TTC7B: variants seen among roughly 807,000 people sequenced by gnomAD.
TTC7B encodes the protein tetratricopeptide repeat protein 7B.
TTC7B carries 28 observed loss-of-function variants against 106.8 expected under a neutral mutation model. That is an observed-to-expected ratio of 0.26 (90% CI 0.19 to 0.36). TTC7B has a LOEUF of 0.36. Among genes scored for constraint, TTC7B ranks in the 10% least tolerant of loss-of-function variants. TTC7B has a pLI of 1.00. For missense variants in TTC7B, 862 were observed against 1,076.4 expected (o/e 0.80, Z 2.79); for synonymous variants, 405 against 430.6 (o/e 0.94, Z 0.74).
chr14:90,578,001 G>T lies in TTC7B; in HGVS notation c.2310+105C>A. Reference sequence around the variant, plus strand: ...GACAGCCTGGCAAGCTAACTGCATGGGGCCTTTGGAAGCAGAAGAGGGTGT... The same window carrying T: ...GACAGCCTGGCAAGCTAACTGCATGTGGCCTTTGGAAGCAGAAGAGGGTGT... On this transcript the variant is annotated intron_variant, in intron 19 of 19. Transcript: ENST00000328459. This position sits in a 1 kb window ranked among gnomAD's most constrained non-coding sequence, Gnocchi z 4.7. 7.3e-7 allele frequency: 1 copy of T among 1,361,856 alleles called. No individual in the cohort carries two copies. Among genetic ancestry groups the T allele is most frequent in the Non-Finnish European group, 1.0e-6 (1 of 994,812 alleles). 84.4% of individuals were successfully genotyped at this position (1,361,856 alleles called of 1,614,324 possible).
intron 3 of TTC7B, among the ~76,000 whole-genome samples, chr14:90,747,329 G>A (rs963946420): frequency 2.0e-5 from 3 of 152,184 alleles, no homozygotes; most frequent in Non-Finnish European, 4.4e-5. Flanking sequence ...CTTGAGCCTG[G>A]TCTCTCCTGA....
At chr14:90,706,688 C>T (rs1459617043) in intron 5 of TTC7B, among the ~76,000 whole-genome samples, 2 of 152,166 alleles carry the variant, frequency 1.3e-5, no homozygotes, top group Non-Finnish European at 2.9e-5. Context: ...ACCTAGGAAT[C>T]TTTGATAGCT....
intron 19 of TTC7B, among the ~76,000 whole-genome samples, chr14:90,573,357 C>A (rs1021953717): frequency 6.7e-6 from 1 of 149,078 alleles, no homozygotes; most frequent in Non-Finnish European, 1.5e-5. Context: ...GGTCCCTCTC[C>A]GGCTCACGGT....
chr14:90,617,385 T>G (rs539703185), intron 16 of TTC7B, among the ~76,000 whole-genome samples: 1 of 152,356 alleles, frequency 6.6e-6, no homozygotes, highest in Non-Finnish European at 1.5e-5. Context: ...GGTCTTAACA[T>G]TTTCCTGGTT....
intron 9 of TTC7B, among the ~76,000 whole-genome samples, chr14:90,660,254 G>T (rs1453002319): frequency 6.6e-6 from 1 of 151,350 alleles, no homozygotes; most frequent in Non-Finnish European, 1.5e-5. Context: ...GCTGGGTATG[G>T]TAGTGCACAC....
intron 5 of TTC7B, chr14:90,699,153 C>T (rs1378682992): frequency 2.0e-5 from 9 of 455,750 alleles, no homozygotes; most frequent in Admixed American, 1.6e-4. Context: ...ACAAGCTTAC[C>T]GCACCTGGTT....
rs1891354043 is a variant in TTC7B at position 90,578,454 on chromosome 14, C to G, written c.2108-146G>C. 2.5e-6 allele frequency: 2 copies of G among 804,078 alleles called. No individual in the cohort carries two copies. The highest frequency in any genetic ancestry group is 4.0e-6 in the Non-Finnish European group (2 of 495,572). The allele number at this position is 804,078 out of a possible 1,614,324, so 49.8% of individuals were successfully genotyped here. On this transcript the variant is annotated intron_variant, in intron 18 of 19. Transcript: ENST00000328459. This position sits in a 1 kb window ranked among gnomAD's most constrained non-coding sequence, Gnocchi z 4.7. ...TCCCTGCTCCAAGTGGAAACAGCTGCCGCTGACAGTCCCTCCTGCCCACTC... is the reference window on the plus strand; with the variant it reads ...TCCCTGCTCCAAGTGGAAACAGCTGGCGCTGACAGTCCCTCCTGCCCACTC...
chr14:90,631,582 AT>A (rs1884706710), intron 15 of TTC7B, among the ~76,000 whole-genome samples: 1 of 151,318 alleles, frequency 6.6e-6, no homozygotes, highest in Non-Finnish European at 1.5e-5. Context: ...CTAATTTTTT[AT>A]TTTTAGTAGA....
intron 3 of TTC7B, among the ~76,000 whole-genome samples, chr14:90,748,607 T>C (rs953797969): frequency 6.6e-6 from 1 of 152,070 alleles, no homozygotes; most frequent in African/African-American, 2.4e-5. Context: ...GATTACAGGC[T>C]TGAGCCACCA....
At chr14:90,621,071 C>T (rs772944806) in intron 15 of TTC7B, among the ~76,000 whole-genome samples, 8 of 152,144 alleles carry the variant, frequency 5.3e-5, no homozygotes, top group Non-Finnish European at 1.0e-4. Context: ...TGCCTAGGTA[C>T]GGCTGGGATG....
At chr14:90,560,473 C>T (rs375861647) in intron 19 of TTC7B, among the ~76,000 whole-genome samples, 17 of 152,202 alleles carry the variant, frequency 1.1e-4, no homozygotes, top group Non-Finnish European at 2.2e-4. Context: ...AGCACACTGT[C>T]GTCTTGATGG....
chr14:90,803,221 C>T (rs2030387547), intron 1 of TTC7B, among the ~76,000 whole-genome samples: 1 of 152,086 alleles, frequency 6.6e-6, no homozygotes, highest in Non-Finnish European at 1.5e-5. Context: ...TCCAGTGGTT[C>T]CACTCTCCCC....
intron 19 of TTC7B, among the ~76,000 whole-genome samples, chr14:90,560,280 G>C (rs1165155340): frequency 6.6e-6 from 1 of 152,190 alleles, no homozygotes; most frequent in African/African-American, 2.4e-5. Flanking sequence ...CCAAGCTACC[G>C]AGGTGATGTC....
intron 9 of TTC7B, chr14:90,676,163 G>C (rs1886828057): frequency 5.2e-6 from 1 of 194,022 alleles, no homozygotes; most frequent in Non-Finnish European, 1.1e-5. Flanking sequence ...CGATTTCACT[G>C]TACACATTGA....
chr14:90,586,442 G>T (rs1891717159), intron 18 of TTC7B, among the ~76,000 whole-genome samples: 1 of 152,056 alleles, frequency 6.6e-6, no homozygotes, highest in South Asian at 2.1e-4. Flanking sequence ...GGCTACTTTT[G>T]TATTTTTAGT....
At chr14:90,596,594 CCT>C (rs1892213417) in intron 17 of TTC7B, among the ~76,000 whole-genome samples, 1 of 152,212 alleles carries the variant, frequency 6.6e-6, no homozygotes, top group Non-Finnish European at 1.5e-5. Context: ...GATGCCACCT[CCT>C]ACAGGAAGGC....
chr14:90,769,009 T>G (rs1372974316), intron 3 of TTC7B, among the ~76,000 whole-genome samples: 1 of 152,100 alleles, frequency 6.6e-6, no homozygotes, highest in Non-Finnish European at 1.5e-5. Context: ...ATACAATGGG[T>G]AAAGATATAA....
At position 90,764,416 on chromosome 14, in the gene TTC7B, T is replaced by C. The variant is rs138697871; in HGVS notation, c.445+16322A>G. On this transcript the variant is annotated intron_variant, in intron 3 of 19. Coordinates refer to ENST00000328459, the MANE Select transcript of TTC7B (RefSeq NM_001010854.2). ...CTTGACTAGGCAATGGTTTCTTAGA[T>C]ACAAAACCAAAACAACAAAAATAAT... 3.9e-3 allele frequency among the ~76,000 whole-genome samples: 594 copies of C among 151,514 alleles called. 1 individual carries two copies. Among genetic ancestry groups the C allele is most frequent in the African/African-American group, 0.014 (568 of 41,324 alleles).
intron 5 of TTC7B, among the ~76,000 whole-genome samples, chr14:90,704,383 A>C (rs1742094): frequency 0.33 from 50,797 of 152,138 alleles, 8,813 homozygotes; most frequent in Middle Eastern, 0.39. Flanking sequence ...ATGAGGAAAC[A>C]CAGGCTTAGA....
Sources: gnomAD v4.1 joint callset for allele counts (sites outside exome capture counted in the v4.1 genomes callset) on GRCh38, gnomAD v4.1.1 for gene constraint, Gnocchi (gnomAD v3.1) non-coding constraint, MANE v1.5 for transcripts, NCBI Gene and HGNC (gene_info 2026-07-23, HGNC 2026-07-21) for gene names.